Variants in PRR5L observed in about 807,000 individuals in gnomAD.
PRR5L encodes proline-rich protein 5-like.
PRR5L carries 21 observed loss-of-function variants against 36.4 expected under a neutral mutation model. That is an observed-to-expected ratio of 0.58 (90% confidence interval 0.41 to 0.83). PRR5L has a LOEUF of 0.83. Among genes scored for constraint, PRR5L ranks in the 40% least tolerant of loss-of-function variants. PRR5L has a pLI of 0.00. For synonymous variants in PRR5L, 188 were observed against 197.0 expected (o/e 0.95, Z 0.38); for missense variants, 381 against 473.3 (o/e 0.80, Z 1.81).
chr11:36,373,860 A>G (rs541791481), intron 1 of PRR5L, among the ~76,000 whole-genome samples: 133 of 152,282 alleles, frequency 8.7e-4, no homozygotes, highest in Non-Finnish European at 1.7e-3. Context: ...TCAGTACAGC[A>G]TACGCTAAAT....
intron 5 of PRR5L, among the ~76,000 whole-genome samples, chr11:36,436,756 C>T (rs116504397): frequency 0.018 from 2,694 of 152,266 alleles, 74 homozygotes; most frequent in African/African-American, 0.061. Context: ...GCTCTGCCTT[C>T]GAGCTGTGTG....
At chr11:36,448,700 T>C (rs755132362) in intron 7 of PRR5L, among the ~76,000 whole-genome samples, 2 of 152,190 alleles carry the variant, frequency 1.3e-5, no homozygotes, top group Non-Finnish European at 2.9e-5. Flanking sequence ...CATGTAGGGC[T>C]TCTTCTCTTG....
intron 1 of PRR5L, among the ~76,000 whole-genome samples, chr11:36,318,595 T>C (rs1380203540): frequency 3.9e-5 from 6 of 152,346 alleles, no homozygotes; most frequent in African/African-American, 1.4e-4. Context: ...TTTGCTTGTC[T>C]AGCATCTAAC....
chr11:36,319,253 G>A (rs1856589478), intron 1 of PRR5L, among the ~76,000 whole-genome samples: 1 of 152,216 alleles, frequency 6.6e-6, no homozygotes, highest in South Asian at 2.1e-4. Flanking sequence ...CTGGTGGACA[G>A]GATGAAGCTG....
intron 6 of PRR5L, among the ~76,000 whole-genome samples, chr11:36,440,205 G>A (rs1467389915): frequency 2.0e-5 from 3 of 152,148 alleles, no homozygotes; most frequent in African/African-American, 7.2e-5. Flanking sequence ...TTGGGAACCA[G>A]CGAGGAGTTC....
intron 1 of PRR5L, chr11:36,321,125 T>G (rs1210967545): frequency 6.6e-6 from 1 of 152,234 alleles, no homozygotes; most frequent in Non-Finnish European, 1.5e-5. Flanking sequence ...TTCTAACCAT[T>G]ATAGTAGGAT....
At chr11:36,365,095 C>T (rs1590487137) in intron 1 of PRR5L, among the ~76,000 whole-genome samples, 2 of 152,224 alleles carry the variant, frequency 1.3e-5, no homozygotes, top group East Asian at 3.8e-4. Flanking sequence ...ATAATGGCTG[C>T]TCATGCTGAT....
chr11:36,366,040 A>G (rs938424168), intron 1 of PRR5L, among the ~76,000 whole-genome samples: 2 of 152,152 alleles, frequency 1.3e-5, no homozygotes, highest in African/African-American at 4.8e-5. Context: ...AGTGGTTTGG[A>G]TGAGAATATT....
chr11:36,364,182 C>G (rs1415951305), intron 1 of PRR5L, among the ~76,000 whole-genome samples: 1 of 152,172 alleles, frequency 6.6e-6, no homozygotes, highest in Non-Finnish European at 1.5e-5. Context: ...GCACTGGGCT[C>G]ATAGTGTTGT....
intron 1 of PRR5L, among the ~76,000 whole-genome samples, chr11:36,320,194 G>C (rs1421263028): frequency 6.6e-6 from 1 of 151,716 alleles, no homozygotes; most frequent in East Asian, 1.9e-4. Flanking sequence ...AATGTCTCTG[G>C]GTCTCAGTTC....
chr11:36,422,711 T>A (rs532065543), intron 4 of PRR5L, among the ~76,000 whole-genome samples: 3 of 152,296 alleles, frequency 2.0e-5, no homozygotes, highest in East Asian at 3.9e-4. Flanking sequence ...GCTTATCTCA[T>A]GCCTGCACAC....
At chr11:36,310,967 G>T (rs1246288132) in intron 1 of PRR5L, among the ~76,000 whole-genome samples, 1 of 129,902 alleles carries the variant, frequency 7.7e-6, no homozygotes, top group East Asian at 2.3e-4. Flanking sequence ...ACTGCACTCT[G>T]CCTGGTGACA....
At chr11:36,417,057 T>C (rs560772810) in intron 3 of PRR5L, among the ~76,000 whole-genome samples, 2 of 152,312 alleles carry the variant, frequency 1.3e-5, no homozygotes, top group African/African-American at 4.8e-5. Flanking sequence ...ATCTTACCCA[T>C]GGCATCTTCA....
At chr11:36,449,543 A>G (rs1412508306) in intron 7 of PRR5L, among the ~76,000 whole-genome samples, 1 of 152,116 alleles carries the variant, frequency 6.6e-6, no homozygotes, top group South Asian at 2.1e-4. Context: ...CACTGTGAAG[A>G]TCTGTTTCCT....
intron 1 of PRR5L, among the ~76,000 whole-genome samples, chr11:36,299,139 C>G (rs978829432): frequency 3.9e-5 from 6 of 152,098 alleles, no homozygotes; most frequent in Non-Finnish European, 8.8e-5. Context: ...TCAGAAGGAC[C>G]TACACATCCC....
chr11:36,438,539 A>G (rs1308058192), intron 6 of PRR5L, among the ~76,000 whole-genome samples: 1 of 152,200 alleles, frequency 6.6e-6, no homozygotes, highest in African/African-American at 2.4e-5. Context: ...GATAGTACAG[A>G]TAGAAGCTTC....
At chr11:36,432,030 T>A in intron 5 of PRR5L, 120 bp downstream of exon 5, 1 of 770,386 alleles carries the variant, frequency 1.3e-6, no homozygotes, top group South Asian at 1.7e-5. Flanking sequence ...ACCCTGTCCG[T>A]TTCCTCCCTA....
chr11:36,336,516 C>T (rs1359609224), intron 1 of PRR5L, among the ~76,000 whole-genome samples: 1 of 149,024 alleles, frequency 6.7e-6, no homozygotes, highest in South Asian at 2.1e-4. Context: ...AGGCTTGAAC[C>T]ACCGCGCCTG....
intron 6 of PRR5L, 121 bp from the exon 7 acceptor site, chr11:36,446,179 T>C: frequency 2.7e-6 from 3 of 1,095,668 alleles, no homozygotes; most frequent in Non-Finnish European, 3.9e-6. Context: ...ACACTGGCCC[T>C]TGCAGACGCC....
Sources: gnomAD v4.1 joint callset for allele counts (sites outside exome capture counted in the v4.1 genomes callset) on GRCh38, gnomAD v4.1.1 for gene constraint, MANE v1.5 for transcripts, NCBI Gene and HGNC (gene_info 2026-07-23, HGNC 2026-07-21) for gene names.